RBFOX1: variants seen among roughly 807,000 people sequenced by gnomAD.
RBFOX1 encodes RNA binding protein fox-1 homolog 1.
Under a neutral mutation model 57.7 loss-of-function variants are expected in RBFOX1, and 8 were observed. The ratio of observed to expected loss-of-function variants is 0.14; its 90% CI spans 0.08 to 0.25. The LOEUF (loss-of-function observed/expected upper bound fraction) is 0.25, where lower values mean the gene tolerates loss of function less well. Ranked by LOEUF, RBFOX1 falls within the 10% of genes least tolerant of loss-of-function variation. RBFOX1 has a pLI of 1.00. For missense variants in RBFOX1, 611 were observed against 548.5 expected, an observed-to-expected ratio of 1.11 and a Z score of -1.14; for synonymous variants, 326 against 222.4, an observed-to-expected ratio of 1.47 and a Z score of -4.15.
At chr16:7,409,401 A>C (rs897040728) in intron 4 of RBFOX1, among the ~76,000 whole-genome samples, 2 of 152,198 alleles carry the variant, frequency 1.3e-5, no homozygotes, top group African/African-American at 4.8e-5. Context: ...AATATAACAC[A>C]AGTATTTATT....
chr16:6,396,494 C>G (rs967072306), intron 2 of RBFOX1, among the ~76,000 whole-genome samples: 3 of 152,188 alleles, frequency 2.0e-5, no homozygotes, highest in African/African-American at 7.2e-5. Context: ...TCTGGTGGAT[C>G]TCTGAAGCAT....
chr16:6,875,592 CTTG>C (rs1286030871), intron 3 of RBFOX1, among the ~76,000 whole-genome samples: 1 of 152,158 alleles, frequency 6.6e-6, no homozygotes. Flanking sequence ...GTGTTAAGAC[CTTG>C]TTTATTTCAG....
At chr16:6,341,852 A>C (rs912945607) in intron 2 of RBFOX1, among the ~76,000 whole-genome samples, 1 of 152,214 alleles carries the variant, frequency 6.6e-6, no homozygotes, top group Admixed American at 6.5e-5. Context: ...ATTGGAGTCC[A>C]AATCAGGACT....
intron 4 of RBFOX1, among the ~76,000 whole-genome samples, chr16:7,143,320 G>A (rs1462219916): frequency 6.6e-6 from 1 of 151,952 alleles, no homozygotes; most frequent in Admixed American, 6.6e-5. Context: ...CCGCATTCCC[G>A]ACCCAGCTCT....
intron 1 of RBFOX1, among the ~76,000 whole-genome samples, chr16:5,440,213 C>T (rs769544567): frequency 7.9e-5 from 12 of 152,198 alleles, no homozygotes; most frequent in Non-Finnish European, 1.5e-4. Context: ...ATTTGGGCCT[C>T]CCACAGCCCT....
chr16:6,409,773 T>C (rs1003154766), intron 2 of RBFOX1, among the ~76,000 whole-genome samples: 3 of 152,118 alleles, frequency 2.0e-5, no homozygotes, highest in African/African-American at 7.2e-5. Context: ...TGAGGGAAAA[T>C]CAAAATCCAC....
chr16:7,314,546 T>C (rs779172309), intron 4 of RBFOX1, among the ~76,000 whole-genome samples: 8 of 152,214 alleles, frequency 5.3e-5, no homozygotes, highest in Non-Finnish European at 1.2e-4. Context: ...AAGAACGGGA[T>C]GCGATCTGTC....
chr16:5,390,840 G>A (rs749429305), intron 1 of RBFOX1, among the ~76,000 whole-genome samples: 1 of 152,166 alleles, frequency 6.6e-6, no homozygotes, highest in Non-Finnish European at 1.5e-5. Context: ...TGATGCTGAA[G>A]CTGTGGCAGC....
intron 3 of RBFOX1, among the ~76,000 whole-genome samples, chr16:6,831,064 A>C (rs1016379232): frequency 6.6e-6 from 1 of 152,210 alleles, no homozygotes; most frequent in African/African-American, 2.4e-5. Context: ...AATCAAATGT[A>C]CCTCAACCTC....
chr16:6,848,897 G>A (rs995277012), intron 3 of RBFOX1, among the ~76,000 whole-genome samples: 2 of 152,098 alleles, frequency 1.3e-5, no homozygotes, highest in Non-Finnish European at 2.9e-5. Context: ...AACAGAAAAC[G>A]ATAGTGTTGC....
intron 4 of RBFOX1, among the ~76,000 whole-genome samples, chr16:6,013,647 C>G (rs190528655): frequency 6.6e-6 from 1 of 152,304 alleles, no homozygotes; most frequent in Non-Finnish European, 1.5e-5. Flanking sequence ...GGGCAAGACA[C>G]TGAATTTCCT....
At chr16:5,989,880 A>ACACC (rs33912010) in intron 4 of RBFOX1, among the ~76,000 whole-genome samples, 7,171 of 127,232 alleles carry the variant, frequency 0.056, 305 homozygotes, top group East Asian at 0.12. Flanking sequence ...ACACACACAC[A>ACACC]CCACCCCTGT....
At position 6,459,984 on chromosome 16, in the gene RBFOX1, CAAAAAAAAAAAAAAAAAAAAAAAA is replaced by C. The variant is rs149424076; in HGVS notation, c.-64+142948_-64+142971del. ...GGGCAACAAGAGTGAAACTCCATCT[CAAAAAAAAAAAAAAAAAAAAAAAA>C]AAAAAAAAAAAAAAAAAAAATTCTT... On this transcript the variant is annotated intron_variant, in intron 2 of 15. Transcript: ENST00000550418. 3.4e-4 allele frequency among the ~76,000 whole-genome samples: 16 copies of C among 47,684 alleles called. No homozygotes were observed. In the South Asian group the frequency reaches 4.4e-3, roughly 13 times the overall value. 31.3% of individuals were successfully genotyped at this position (47,684 alleles called of 152,430 possible).
chr16:7,688,514 C>A (rs376707990), intron 14 of RBFOX1, among the ~76,000 whole-genome samples: 3 of 151,966 alleles, frequency 2.0e-5, no homozygotes, highest in African/African-American at 7.2e-5. Context: ...ATCTCATGTC[C>A]CCTCCAGCAA....
chr16:7,420,162 C>T (rs987838183), intron 4 of RBFOX1, among the ~76,000 whole-genome samples: 8 of 152,094 alleles, frequency 5.3e-5, no homozygotes, highest in African/African-American at 1.9e-4. Flanking sequence ...TGCTCTCTCT[C>T]CAGTCTAAAT....
intron 1 of RBFOX1, among the ~76,000 whole-genome samples, chr16:6,089,001 C>T (rs60248932): frequency 0.025 from 3,789 of 150,702 alleles, 171 homozygotes; most frequent in African/African-American, 0.089. Flanking sequence ...GAGGCCGAGG[C>T]AGGACAACAG....
At chr16:7,018,899 T>C (rs1401577307) in intron 3 of RBFOX1, among the ~76,000 whole-genome samples, 1 of 151,954 alleles carries the variant, frequency 6.6e-6, no homozygotes, top group African/African-American at 2.4e-5. Flanking sequence ...TGGGAGGATC[T>C]CTTGAGCTCA....
intron 2 of RBFOX1, among the ~76,000 whole-genome samples, chr16:6,523,566 C>T (rs974535312): frequency 6.6e-6 from 1 of 152,106 alleles, no homozygotes; most frequent in Non-Finnish European, 1.5e-5. Context: ...CTTTTTTGAC[C>T]TTGCCTTTCA....
chr16:6,151,390 A>G (rs897530424), intron 1 of RBFOX1, among the ~76,000 whole-genome samples: 1 of 152,150 alleles, frequency 6.6e-6, no homozygotes, highest in East Asian at 1.9e-4. Context: ...GATTCAAGCA[A>G]TTCTGCTGCC....
Sources: gnomAD v4.1 joint callset for allele counts (sites outside exome capture counted in the v4.1 genomes callset) on GRCh38, gnomAD v4.1.1 for gene constraint, MANE v1.5 for transcripts, NCBI Gene and HGNC (gene_info 2026-07-23, HGNC 2026-07-21) for gene names.